ZNF423: variants seen among roughly 807,000 people sequenced by gnomAD.
The protein encoded by ZNF423 is Ebf-associated zinc finger protein.
Under a neutral mutation model 95.8 loss-of-function variants are expected in ZNF423, and 12 were observed. The ratio of observed to expected loss-of-function variants is 0.13; its 90% CI spans 0.08 to 0.20. The LOEUF (loss-of-function observed/expected upper bound fraction) is 0.20. Among genes scored for constraint, ZNF423 ranks in the 10% least tolerant of loss-of-function variants. The pLI, the probability that ZNF423 is intolerant of heterozygous loss-of-function variation, is 1.00. For missense variants in ZNF423, 1,316 were observed against 1,737.1 expected (o/e 0.76, Z 4.31); for synonymous variants, 749 against 711.9 (o/e 1.05, Z -0.83).
At chr16:49,726,015 A>G (rs1266291357) in intron 3 of ZNF423, among the ~76,000 whole-genome samples, 5 of 152,208 alleles carry the variant, frequency 3.3e-5, no homozygotes, top group African/African-American at 1.2e-4. Context: ...TACAACAAAA[A>G]GCCATATATC....
intron 7 of ZNF423, among the ~76,000 whole-genome samples, chr16:49,507,438 C>A (rs1967691148): frequency 1.3e-5 from 2 of 151,906 alleles, no homozygotes; most frequent in Admixed American, 1.3e-4. Flanking sequence ...CTGGCCAATA[C>A]CACATTTTTG....
At chr16:49,685,910 C>T (rs1044443255) in intron 3 of ZNF423, among the ~76,000 whole-genome samples, 1 of 152,190 alleles carries the variant, frequency 6.6e-6, no homozygotes, top group Non-Finnish European at 1.5e-5. Context: ...ACCACCAATC[C>T]CCCCAACATG....
At chr16:49,524,852 T>G (rs1277183166) in intron 6 of ZNF423, among the ~76,000 whole-genome samples, 1 of 152,182 alleles carries the variant, frequency 6.6e-6, no homozygotes, top group African/African-American at 2.4e-5. Flanking sequence ...GGGACAGCCA[T>G]TCGCCTGGGC....
At chr16:49,530,045 A>C (rs2151718049) in intron 5 of ZNF423, among the ~76,000 whole-genome samples, 1 of 152,304 alleles carries the variant, frequency 6.6e-6, no homozygotes, top group Middle Eastern at 3.4e-3. Flanking sequence ...AGGACACAAA[A>C]GCTAGAGCCG....
At chr16:49,689,313 C>T (rs2031688854) in intron 3 of ZNF423, among the ~76,000 whole-genome samples, 1 of 150,680 alleles carries the variant, frequency 6.6e-6, no homozygotes, top group African/African-American at 2.4e-5. Flanking sequence ...GGAGAATTAG[C>T]CAGGCGTGGT....
At chr16:49,526,176 A>G (rs1252935368) in intron 5 of ZNF423, among the ~76,000 whole-genome samples, 1 of 152,278 alleles carries the variant, frequency 6.6e-6, no homozygotes, top group South Asian at 2.1e-4. Flanking sequence ...GGCCACAGGG[A>G]TGCACAAGAA....
chr16:49,615,802 C>T (rs1314642834), intron 5 of ZNF423, among the ~76,000 whole-genome samples: 3 of 152,302 alleles, frequency 2.0e-5, no homozygotes, highest in African/African-American at 4.8e-5. Context: ...CAAATGGTCT[C>T]GCCTCCCTAC....
chr16:49,742,915 G>T (rs1235954026), intron 2 of ZNF423, among the ~76,000 whole-genome samples: 2 of 152,152 alleles, frequency 1.3e-5, no homozygotes, highest in Non-Finnish European at 2.9e-5. Flanking sequence ...ATAAACAGAG[G>T]CGGTGTGAAT....
intron 1 of ZNF423, among the ~76,000 whole-genome samples, chr16:49,792,018 A>AAAAAAAAG (rs57175853): frequency 1.8e-4 from 25 of 138,272 alleles, no homozygotes; most frequent in East Asian, 2.2e-4. Flanking sequence ...AAAAAAAAAA[A>AAAAAAAAG]AAAGAAAGAA....
chr16:49,831,631 G>C (rs2035061883), intron 1 of ZNF423, among the ~76,000 whole-genome samples: 1 of 152,296 alleles, frequency 6.6e-6, no homozygotes, highest in East Asian at 1.9e-4. Flanking sequence ...GGATCAACAG[G>C]AGCTGTTCTC....
chr16:49,814,224 C>T (rs1468643267), intron 1 of ZNF423, among the ~76,000 whole-genome samples: 2 of 152,132 alleles, frequency 1.3e-5, no homozygotes, highest in African/African-American at 4.8e-5. Context: ...AATACTGAAC[C>T]TTTTCAGGCA....
At chr16:49,631,669 G>C (rs1310425657) in intron 4 of ZNF423, among the ~76,000 whole-genome samples, 1 of 152,224 alleles carries the variant, frequency 6.6e-6, no homozygotes, top group Non-Finnish European at 1.5e-5. Flanking sequence ...GACAGGAGAG[G>C]GAGGGCAGGG....
intron 2 of ZNF423, among the ~76,000 whole-genome samples, chr16:49,783,636 G>A (rs2034256421): frequency 6.7e-6 from 1 of 148,220 alleles, no homozygotes; most frequent in African/African-American, 2.5e-5. Context: ...GAGAGGGGGG[G>A]TTAGGGTTAG....
chr16:49,598,159 A>G (rs1201380634), intron 5 of ZNF423, among the ~76,000 whole-genome samples: 2 of 146,102 alleles, frequency 1.4e-5, no homozygotes, highest in Non-Finnish European at 1.6e-5. Context: ...ACAGCCAGAA[A>G]GAAGACAGGA....
intron 5 of ZNF423, among the ~76,000 whole-genome samples, chr16:49,581,676 T>C (rs4785326): frequency 0.36 from 54,182 of 152,078 alleles, 9,707 homozygotes; most frequent in East Asian, 0.43. Context: ...TCCCTGAAAG[T>C]GCCCCAGAGA....
chr16:49,792,227 T>C (rs950431150), intron 1 of ZNF423, among the ~76,000 whole-genome samples: 5 of 152,132 alleles, frequency 3.3e-5, no homozygotes, highest in Non-Finnish European at 7.4e-5. Context: ...TCTGCACACT[T>C]ACACCCACTC....
Position 49,637,249 on chromosome 16 carries a change from T to A in ZNF423, c.1927A>T (p.Asn643Tyr). ...NSISNGEYPC[N>Y]QCDLKFSNFE... ...TTGGAGAACTTGAGGTCGCATTGAT[T>A]GCAAGGATACTCCCCATTGGAGATG... The change falls in exon 4 of 8, where the codon AAT (asparagine) becomes TAT (tyrosine). Residue 643 changes from asparagine (N) to tyrosine (Y), a missense_variant. Asn to Tyr is a moderately radical substitution (Grantham distance 143). Transcript: ENST00000563137. The surrounding 1 kb of genome is among the most constrained non-coding windows in gnomAD (Gnocchi z 5.6). The A allele has an allele frequency of 6.2e-7, 1 of 1,614,108 alleles. No homozygotes were observed. Among genetic ancestry groups the A allele is most frequent in the East Asian group, 2.2e-5 (1 of 44,870 alleles).
chr16:49,823,360 CATT>C (rs2034968605), intron 1 of ZNF423, among the ~76,000 whole-genome samples: 1 of 152,216 alleles, frequency 6.6e-6, no homozygotes, highest in Non-Finnish European at 1.5e-5. Context: ...ACTTTACACA[CATT>C]ATCTTGTTTA....
chr16:49,697,983 C>A (rs910939612), intron 3 of ZNF423, among the ~76,000 whole-genome samples: 13 of 152,174 alleles, frequency 8.5e-5, no homozygotes, highest in South Asian at 6.2e-4. Flanking sequence ...CGCCGCCTTT[C>A]CCCACAGCAG....
Sources: allele counts gnomAD v4.1 joint callset (sites outside exome capture counted in the v4.1 genomes callset), GRCh38; gene constraint gnomAD v4.1.1; non-coding constraint Gnocchi (gnomAD v3.1); transcripts MANE v1.5; gene names NCBI Gene and HGNC (gene_info 2026-07-23, HGNC 2026-07-21).